MAMLD1: variants seen among roughly 807,000 people sequenced by gnomAD.
MAMLD1 encodes the protein mastermind like domain containing 1.
MAMLD1 carries 14 observed loss-of-function variants against 45.0 expected under a neutral mutation model. The ratio of observed to expected loss-of-function variants is 0.31; its 90% confidence interval spans 0.21 to 0.49. The LOEUF (loss-of-function observed/expected upper bound fraction) is 0.49, where lower values mean the gene tolerates loss of function less well. Among genes scored for constraint, MAMLD1 ranks in the 20% least tolerant of loss-of-function variants. The pLI is 0.99. For missense variants in MAMLD1, 543 were observed against 603.6 expected (o/e 0.90, Z 1.05); for synonymous variants, 254 against 247.8 (o/e 1.02, Z -0.24).
chrX:150,471,840 G>A (rs1557406588), intron 4 of MAMLD1, among the ~76,000 whole-genome samples: 1 of 112,278 alleles, frequency 8.9e-6, no homozygotes, highest in Non-Finnish European at 1.9e-5. Flanking sequence ...TCCTTCTTAA[G>A]ATGTAAGGAA....
chrX:150,388,826 T>C (rs1175659096), intron 1 of MAMLD1, among the ~76,000 whole-genome samples: 1 of 112,070 alleles, frequency 8.9e-6, no homozygotes, highest in African/African-American at 3.2e-5. Flanking sequence ...GATTTTTATC[T>C]TATCTTTATT....
chrX:150,512,474 C>T lies in MAMLD1; in HGVS notation c.*515C>T, dbSNP rs1557409212. 8.6e-7 allele frequency: 1 copy of T among 1,156,234 alleles called. No individual in the cohort carries two copies. The highest frequency in any genetic ancestry group is 1.1e-6 in the Non-Finnish European group (1 of 872,923). ...AGTTTCGGGGAAAACACCCCTCAGC[C>T]AAGTGGATAATAGCGTTCAGCAGCA... is the stretch of plus-strand genomic sequence containing the variant. On this transcript the variant is annotated 3_prime_UTR_variant, in exon 8 of 8. Coordinates refer to ENST00000370401, the MANE Select transcript of MAMLD1 (RefSeq NM_005491.5).
intron 1 of MAMLD1, among the ~76,000 whole-genome samples, chrX:150,434,132 G>A (rs2035042109): frequency 9.0e-6 from 1 of 111,491 alleles, no homozygotes; most frequent in Non-Finnish European, 1.9e-5. Flanking sequence ...TTCAATCTTG[G>A]GAGGTTGTAT....
chrX:150,459,283 G>A (rs1557405496), intron 2 of MAMLD1, among the ~76,000 whole-genome samples: 1 of 112,013 alleles, frequency 8.9e-6, no homozygotes, highest in Non-Finnish European at 1.9e-5. Flanking sequence ...AACCTCATAA[G>A]GTTACACTGA....
chrX:150,492,436 A>T, intron 5 of MAMLD1, among the ~76,000 whole-genome samples: 1 of 112,509 alleles, frequency 8.9e-6, no homozygotes, highest in Non-Finnish European at 1.9e-5. Flanking sequence ...TGCTTCTTGT[A>T]TAGATCTGTT....
intron 3 of MAMLD1, among the ~76,000 whole-genome samples, chrX:150,467,553 G>A (rs1557406034): frequency 1.8e-5 from 2 of 112,675 alleles, no homozygotes; most frequent in East Asian, 5.6e-4. Flanking sequence ...GATGAGTTTG[G>A]TGACAGAGCT....
intron 1 of MAMLD1, among the ~76,000 whole-genome samples, chrX:150,404,662 T>C (rs2033953805): frequency 8.9e-6 from 1 of 111,848 alleles, no homozygotes; most frequent in Non-Finnish European, 1.9e-5. Context: ...CAAAGTTTCC[T>C]TGTGGCCCTT....
chrX:150,497,383 A>C (rs1557408341), intron 5 of MAMLD1, among the ~76,000 whole-genome samples: 1 of 103,352 alleles, frequency 9.7e-6, no homozygotes, highest in African/African-American at 3.7e-5. Context: ...TCCTGGGTTC[A>C]AGTGATTCTC....
intron 1 of MAMLD1, among the ~76,000 whole-genome samples, chrX:150,400,429 C>T (rs1190342020): frequency 9.0e-6 from 1 of 111,657 alleles, no homozygotes; most frequent in Non-Finnish European, 1.9e-5. Flanking sequence ...TTCCTCTTTT[C>T]CTAATTGAAT....
chrX:150,369,263 G>C (rs144395915), intron 1 of MAMLD1, among the ~76,000 whole-genome samples: 2,163 of 111,061 alleles, frequency 0.019, 61 homozygotes, highest in African/African-American at 0.066. Flanking sequence ...AGTGATCTTG[G>C]ACAAGTCCAT....
At chrX:150,465,116 C>T (rs782302202) in intron 3 of MAMLD1, among the ~76,000 whole-genome samples, 1 of 112,296 alleles carries the variant, frequency 8.9e-6, no homozygotes, top group African/African-American at 3.2e-5. Flanking sequence ...ACAGTGCATA[C>T]CCTTTGCTGA....
chrX:150,454,244 C>A (rs781898718), intron 2 of MAMLD1, among the ~76,000 whole-genome samples: 1 of 112,254 alleles, frequency 8.9e-6, no homozygotes, highest in Admixed American at 9.4e-5. Flanking sequence ...TCAAGTCAAG[C>A]CCTTAGAGTT....
chrX:150,397,657 G>T (rs782402405), intron 1 of MAMLD1, among the ~76,000 whole-genome samples: 11 of 111,286 alleles, frequency 9.9e-5, no homozygotes, highest in Non-Finnish European at 2.1e-4. Context: ...AACTCAATGT[G>T]TGCAAAGGTC....
At chrX:150,373,732 AC>A (rs1357249625) in intron 1 of MAMLD1, among the ~76,000 whole-genome samples, 1 of 111,012 alleles carries the variant, frequency 9.0e-6, no homozygotes, top group Non-Finnish European at 1.9e-5. Context: ...TCTCCACCTT[AC>A]CTAGAAAGAT....
At position 150,470,721 on chromosome X, in the gene MAMLD1, C is replaced by T. The variant is rs1229699712; in HGVS notation, c.1148C>T (p.Ser383Phe). Reference protein sequence around the residue: ...NTLSGSTLRGSPNALLSSMTS... With the variant: ...NTLSGSTLRGFPNALLSSMTS... ...TTGTCGGGTAGCACTCTCCGAGGCT[C>T]TCCCAATGCCTTACTGTCAAGCATG... The change falls in exon 4 of 8, where the codon TCT becomes TTT. Residue 383 changes from serine (S) to phenylalanine (F), a missense_variant. Physicochemically the swap from Ser to Phe is radical, Grantham distance 155 (BLOSUM62 -2). Transcript: ENST00000370401. The T allele has an allele frequency of 9.1e-6, 11 of 1,210,404 alleles. No individual in the cohort carries two copies. Among genetic ancestry groups the T allele is most frequent in the Non-Finnish European group, 1.2e-5 (11 of 895,276 alleles).
intron 3 of MAMLD1, among the ~76,000 whole-genome samples, chrX:150,465,104 G>A (rs2036177287): frequency 8.9e-6 from 1 of 111,988 alleles, no homozygotes; most frequent in Non-Finnish European, 1.9e-5. Flanking sequence ...TGCCCAATAG[G>A]AACAGTGCAT....
At chrX:150,497,164 T>A (rs1021908743) in intron 5 of MAMLD1, among the ~76,000 whole-genome samples, 5 of 112,067 alleles carry the variant, frequency 4.5e-5, no homozygotes, top group Non-Finnish European at 9.4e-5. Context: ...GATACCCTGC[T>A]CCAAGAAAAC....
rs939531382 is a variant in MAMLD1 at position 150,494,724 on chromosome X, G to A, written c.2041-8550G>A. On this transcript the variant is annotated intron_variant, in intron 5 of 7. Coordinates refer to ENST00000370401, the MANE Select transcript of MAMLD1 (RefSeq NM_005491.5). The stretch of plus-strand genomic sequence containing the variant: ...GGGAAACCCTGTCTCTACTAAAAAC[G>A]CAAAAATTAGCTGGGAGTGGTGGTA... Among the ~76,000 whole-genome samples, 5 of 109,184 alleles carry A rather than the reference G, an allele frequency of 4.6e-5. No individual in the cohort carries two copies. The East Asian group carries it at 8.8e-4, about 19-fold the overall frequency. 94.8% of individuals were successfully genotyped at this position (109,184 alleles called of 115,157 possible). A position where few individuals can be genotyped will look rare whatever the true frequency, so the allele number is the denominator to read the frequency against.
chrX:150,375,791 T>C (rs1364387519), intron 1 of MAMLD1, among the ~76,000 whole-genome samples: 1 of 112,055 alleles, frequency 8.9e-6, no homozygotes, highest in Admixed American at 9.4e-5. Context: ...AATTTCATTA[T>C]TAATCTGGAG....
Sources: allele counts gnomAD v4.1 joint callset (sites outside exome capture counted in the v4.1 genomes callset), GRCh38; gene constraint gnomAD v4.1.1; transcripts MANE v1.5; gene names NCBI Gene and HGNC (gene_info 2026-07-23, HGNC 2026-07-21).